SESN1: variants seen among roughly 807,000 people sequenced by gnomAD.
SESN1 encodes the protein sestrin 1.
In SESN1, 30 loss-of-function variants were observed where a neutral mutation model predicts 59.3. The ratio of observed to expected loss-of-function variants is 0.51; its 90% CI spans 0.38 to 0.69. The LOEUF (loss-of-function observed/expected upper bound fraction) is 0.69. SESN1 is among the 30% of genes least tolerant of loss of function. SESN1 has a pLI of 0.00. For missense variants in SESN1, 566 were observed against 673.0 expected, an observed-to-expected ratio of 0.84 and a Z score of 1.76; for synonymous variants, 197 against 219.9, an observed-to-expected ratio of 0.90 and a Z score of 0.92.
At chr6:109,055,311 G>GT (rs1409518393) in intron 1 of SESN1, among the ~76,000 whole-genome samples, 1 of 152,020 alleles carries the variant, frequency 6.6e-6, no homozygotes, top group East Asian at 1.9e-4. Context: ...TTGTTTTCAA[G>GT]TTGTGTGGTA....
rs183522316 is a variant in SESN1, at chr6:109,022,574, A to G, written c.280-20231T>C. Among the ~76,000 whole-genome samples the G allele has an allele frequency of 2.3e-3, 348 of 151,446 alleles. 2 individuals carry two copies. The highest frequency in any genetic ancestry group is 3.8e-3 in the Non-Finnish European group (255 of 67,824). On this transcript the variant is annotated intron_variant, in intron 1 of 9. Transcript: ENST00000436639. ...CAGGTGCCCACCACCACGCCCGGCT[A>G]ATTTTTTGTATTATTTATTTTTTAA... is the stretch of plus-strand genomic sequence containing the variant.
intron 1 of SESN1, among the ~76,000 whole-genome samples, chr6:109,006,825 G>C (rs748712733): frequency 2.3e-4 from 35 of 152,164 alleles, no homozygotes; most frequent in Non-Finnish European, 3.5e-4. Flanking sequence ...TCAATGGGGT[G>C]ATCATAAGCC....
intron 1 of SESN1, among the ~76,000 whole-genome samples, chr6:109,088,460 G>T (rs536639543): frequency 1.3e-5 from 2 of 151,520 alleles, no homozygotes; most frequent in Non-Finnish European, 2.9e-5. Context: ...ACCCAGCAAC[G>T]AAAGTTTCAT....
chr6:109,048,104 TAA>T (rs58089773), intron 1 of SESN1, among the ~76,000 whole-genome samples: 15,460 of 146,574 alleles, frequency 0.11, 951 homozygotes, highest in Middle Eastern at 0.19. Context: ...AAAAATAAAT[TAA>T]AAAAAAAAAA....
intron 1 of SESN1, among the ~76,000 whole-genome samples, chr6:109,024,248 G>C (rs868742702): frequency 6.6e-6 from 1 of 152,144 alleles, no homozygotes; most frequent in African/African-American, 2.4e-5. Flanking sequence ...ATTATAACAA[G>C]CTTCTTTATC....
intron 3 of SESN1, among the ~76,000 whole-genome samples, 163 bp downstream of exon 3, chr6:109,001,125 G>A (rs756936288): frequency 3.3e-5 from 5 of 152,102 alleles, no homozygotes; most frequent in Non-Finnish European, 7.4e-5. Context: ...TGTTATACTT[G>A]AGAGCGTACT....
intron 1 of SESN1, among the ~76,000 whole-genome samples, chr6:109,016,289 CTA>C (rs1438127983): frequency 6.6e-6 from 1 of 152,182 alleles, no homozygotes; most frequent in African/African-American, 2.4e-5. Flanking sequence ...CCTGCCTTCC[CTA>C]TCCATGCCTC....
intron 1 of SESN1, among the ~76,000 whole-genome samples, chr6:109,065,945 A>G (rs1349581867): frequency 6.6e-6 from 1 of 152,088 alleles, no homozygotes; most frequent in East Asian, 1.9e-4. Flanking sequence ...AATGTAAGAT[A>G]AGAGCCTAAA....
In SESN1 at chr6:108,984,817, A is replaced by G. The variant is rs544586183; in HGVS notation, c.*2727T>C. On this transcript the variant is annotated 3_prime_UTR_variant, in exon 10 of 10. Coordinates refer to ENST00000436639, the MANE Select transcript of SESN1 (RefSeq NM_014454.3). ...ATCACACCATCCTCTGCTGGGGAAG[A>G]GCTAGGGTGAGCAAAATCCACAAAC... 6.6e-6 allele frequency among the ~76,000 whole-genome samples: 1 copy of G among 152,288 alleles called. No individual in the cohort carries two copies. Among genetic ancestry groups the G allele is most frequent in the African/African-American group, 2.4e-5 (1 of 41,564 alleles).
rs1583306706 is a variant in SESN1, at chr6:109,094,337, G to A, written c.-264C>T. On this transcript the variant is annotated 5_prime_UTR_variant, in exon 1 of 10. Coordinates refer to ENST00000436639, the MANE Select transcript of SESN1 (RefSeq NM_014454.3). ...TGAAAGTTGCAACCTTGCAGCGCTG[G>A]CTTTGGTGGGCAGAGAATTTCGGGG... 1 of 469,172 alleles carries A rather than the reference G, an allele frequency of 2.1e-6. No individual in the cohort carries two copies. The highest frequency in any genetic ancestry group is 3.9e-5 in the East Asian group (1 of 25,842). The allele number at this position is 469,172 out of a possible 1,614,324, so 29.1% of individuals were successfully genotyped here. A position where few individuals can be genotyped will look rare whatever the true frequency, so the allele number is the denominator to read the frequency against.
At chr6:109,029,898 G>A (rs139371031) in intron 1 of SESN1, among the ~76,000 whole-genome samples, 1 of 152,182 alleles carries the variant, frequency 6.6e-6, no homozygotes, top group Non-Finnish European at 1.5e-5. Flanking sequence ...ATCTAATTAC[G>A]TTATATTTTG....
At chr6:109,085,737 A>G (rs998796335) in intron 1 of SESN1, among the ~76,000 whole-genome samples, 1 of 152,222 alleles carries the variant, frequency 6.6e-6, no homozygotes, top group Non-Finnish European at 1.5e-5. Context: ...TTAAAAATTT[A>G]GATATTTTAC....
intron 1 of SESN1, among the ~76,000 whole-genome samples, chr6:109,018,830 T>C (rs1365983574): frequency 6.6e-6 from 1 of 152,166 alleles, no homozygotes; most frequent in Non-Finnish European, 1.5e-5. Flanking sequence ...TATAGTTCAT[T>C]ACTAGAGAAG....
At chr6:109,029,273 A>C (rs915924111) in intron 1 of SESN1, among the ~76,000 whole-genome samples, 10 of 152,328 alleles carry the variant, frequency 6.6e-5, no homozygotes, top group Non-Finnish European at 1.3e-4. Flanking sequence ...TAAGGATACT[A>C]TTAGGAACAA....
intron 1 of SESN1, among the ~76,000 whole-genome samples, chr6:109,077,137 C>T (rs1480807672): frequency 8.5e-5 from 13 of 152,288 alleles, no homozygotes. Context: ...TATAGTACCA[C>T]TATTGTATAT....
intron 1 of SESN1, among the ~76,000 whole-genome samples, chr6:109,057,419 C>A (rs1780649513): frequency 6.6e-6 from 1 of 152,148 alleles, no homozygotes; most frequent in Non-Finnish European, 1.5e-5. Context: ...TCTGGACTGC[C>A]TAATTAAGAC....
At chr6:109,033,777 C>T (rs1780216254) in intron 1 of SESN1, among the ~76,000 whole-genome samples, 2 of 152,114 alleles carry the variant, frequency 1.3e-5, no homozygotes, top group South Asian at 2.1e-4. Context: ...TTCAGGTTGC[C>T]ATCTGGACAG....
intron 1 of SESN1, chr6:109,090,448 GAC>G (rs1781292880): frequency 6.6e-6 from 1 of 152,094 alleles, no homozygotes; most frequent in Non-Finnish European, 1.5e-5. Flanking sequence ...GCCTACTGTT[GAC>G]TGGAAACCTT....
chr6:109,052,836 A>G (rs1224859452), intron 1 of SESN1, among the ~76,000 whole-genome samples: 1 of 152,178 alleles, frequency 6.6e-6, no homozygotes, highest in Non-Finnish European at 1.5e-5. Context: ...CACTCGACAA[A>G]TATTTATTGT....
Sources: allele counts gnomAD v4.1 joint callset (sites outside exome capture counted in the v4.1 genomes callset), GRCh38; gene constraint gnomAD v4.1.1; transcripts MANE v1.5; gene names NCBI Gene and HGNC (gene_info 2026-07-23, HGNC 2026-07-21).